HSD17B2: variants seen among roughly 807,000 people sequenced by gnomAD.
HSD17B2 encodes the protein 17-beta-hydroxysteroid dehydrogenase type 2.
A neutral mutation model predicts 26.9 loss-of-function variants in HSD17B2; 32 were observed. The ratio of observed to expected loss-of-function variants is 1.19; its 90% CI spans 0.90 to 1.60. The LOEUF (loss-of-function observed/expected upper bound fraction) is 1.60. Ranked by LOEUF, HSD17B2 falls within the 40% of genes most tolerant of loss-of-function variation. The probability of loss-of-function intolerance (pLI) is 0.00; values close to 1 mark genes in which losing one functional copy is unlikely to be tolerated. For missense variants in HSD17B2, 613 were observed against 468.6 expected, an observed-to-expected ratio of 1.31 and a Z score of -2.85; for synonymous variants, 246 against 186.7, an observed-to-expected ratio of 1.32 and a Z score of -2.59.
intron 3 of HSD17B2, among the ~76,000 whole-genome samples, chr16:82,075,195 G>A (rs1458410391): frequency 6.6e-6 from 1 of 152,068 alleles, no homozygotes; most frequent in Non-Finnish European, 1.5e-5. Context: ...TGTGGTGAAA[G>A]TAGTACTAAG....
intron 1 of HSD17B2, among the ~76,000 whole-genome samples, chr16:82,061,650 GTA>G (rs1914441915): frequency 1.3e-5 from 2 of 152,124 alleles, no homozygotes; most frequent in Admixed American, 6.5e-5. Flanking sequence ...CTGTCAAATT[GTA>G]TGTGTGCTAT....
At chr16:82,074,663 A>C (rs1477941416) in intron 3 of HSD17B2, among the ~76,000 whole-genome samples, 1 of 152,226 alleles carries the variant, frequency 6.6e-6, no homozygotes. Context: ...CATTGTAAAT[A>C]TACATGCACC....
chr16:82,047,757 T>G (rs1913978968), intron 1 of HSD17B2, among the ~76,000 whole-genome samples: 1 of 152,236 alleles, frequency 6.6e-6, no homozygotes, highest in Admixed American at 6.5e-5. Flanking sequence ...ATCATGGCTC[T>G]CATCATATGC....
At chr16:82,044,232 G>C (rs555991755) in intron 1 of HSD17B2, 8 of 152,216 alleles carry the variant, frequency 5.3e-5, no homozygotes, top group African/African-American at 1.9e-4. Context: ...AATCAGAACA[G>C]ATGCAGGGTT....
At chr16:82,063,740 A>G (rs1348352520) in intron 1 of HSD17B2, among the ~76,000 whole-genome samples, 1 of 152,194 alleles carries the variant, frequency 6.6e-6, no homozygotes, top group Non-Finnish European at 1.5e-5. Flanking sequence ...TGACACAATC[A>G]GACAGTGGTT....
At chr16:82,044,426 A>T (rs990041771) in intron 1 of HSD17B2, 1 of 152,214 alleles carries the variant, frequency 6.6e-6, no homozygotes, top group African/African-American at 2.4e-5. Flanking sequence ...CAAGGTCGAA[A>T]AGTCTCAGGC....
intron 4 of HSD17B2, chr16:82,093,643 A>G (rs1232409502): frequency 6.6e-6 from 1 of 152,222 alleles, no homozygotes; most frequent in Admixed American, 6.5e-5. Context: ...AGGGCTCCTG[A>G]TCCAGATTCC....
At chr16:82,046,580 G>C (rs913581088) in intron 1 of HSD17B2, among the ~76,000 whole-genome samples, 1 of 151,898 alleles carries the variant, frequency 6.6e-6, no homozygotes, top group Non-Finnish European at 1.5e-5. Context: ...AAAATTAGAC[G>C]GGCATGGTGG....
intron 1 of HSD17B2, among the ~76,000 whole-genome samples, chr16:82,045,395 G>A (rs1384893075): frequency 2.0e-5 from 3 of 152,096 alleles, no homozygotes; most frequent in African/African-American, 4.8e-5. Context: ...ACCTCTATGA[G>A]GTTAATTTTT....
Position 82,060,097 on chromosome 16 carries a change from T to C in HSD17B2, c.266-8073T>C, listed in dbSNP as rs530724723. 1.1e-4 allele frequency among the ~76,000 whole-genome samples: 17 copies of C among 152,304 alleles called. No individual in the cohort carries two copies. The South Asian group carries it at 3.3e-3, about 30-fold the overall frequency. On this transcript the variant is annotated intron_variant, in intron 1 of 4. Transcript: ENST00000199936. ...AGTCCTAAGTATGCTAGAGTTTTGT[T>C]GTATTTCTCTAACATTTTATTATAC...
chr16:82,038,824 C>T (rs1913689329), intron 1 of HSD17B2, among the ~76,000 whole-genome samples: 1 of 152,182 alleles, frequency 6.6e-6, no homozygotes, highest in African/African-American at 2.4e-5. Context: ...CTGAAGATCA[C>T]TTGGGCTTGA....
Position 82,071,006 on chromosome 16 carries a change from T to C in HSD17B2, c.543T>C (p.Leu181=). 6.2e-7 allele frequency: 1 copy of C among 1,614,226 alleles called. No homozygotes were observed. Among genetic ancestry groups the C allele is most frequent in the Non-Finnish European group, 8.5e-7 (1 of 1,180,026 alleles). The change falls in exon 3 of 5, where the codon CTT becomes CTC. Residue 181 remains leucine (L), a synonymous_variant. Transcript: ENST00000199936. ...TTCCAACTGATGGGGAGCTTCTTCT[T>C]ATGACTGACTACAAACAATGCATGG... is the stretch of plus-strand genomic sequence containing the variant. The part of the protein sequence containing the change: ...LGFPTDGELL[L]MTDYKQCMAV...
intron 2 of HSD17B2, among the ~76,000 whole-genome samples, chr16:82,070,327 T>A (rs557803612): frequency 1.3e-5 from 2 of 152,240 alleles, no homozygotes; most frequent in South Asian, 4.2e-4. Context: ...ATAGTTACCC[T>A]CCAGCCCCTT....
rs533369500 is a variant in HSD17B2 at position 82,080,826 on chromosome 16, C to T, written c.664+9699C>T. ...CACCATGTTGAAGGAACGCTTAGCA[C>T]TTTATCGCATTCCAAAAAGGCAGAG... On this transcript the variant is annotated intron_variant, in intron 3 of 4. Transcript: ENST00000199936. Among the ~76,000 whole-genome samples, 4 of 152,316 alleles carry T rather than the reference C, an allele frequency of 2.6e-5. No individual in the cohort carries two copies. In the South Asian group the frequency reaches 8.3e-4, roughly 32 times the overall value.
intron 1 of HSD17B2, among the ~76,000 whole-genome samples, chr16:82,061,501 C>T (rs752423742): frequency 6.6e-6 from 1 of 152,086 alleles, no homozygotes; most frequent in Non-Finnish European, 1.5e-5. Context: ...TCTCCCAGCT[C>T]CAGAATCCAG....
intron 2 of HSD17B2, 69 bp downstream of exon 2, chr16:82,068,451 C>A: frequency 1.6e-6 from 2 of 1,287,078 alleles, no homozygotes; most frequent in Non-Finnish European, 2.2e-6. Flanking sequence ...CCGGCTTAGG[C>A]TGAACATGCC....
At chr16:82,090,877 T>A in intron 3 of HSD17B2, 25 bp from the exon 4 acceptor site, 3 of 1,586,200 alleles carry the variant, frequency 1.9e-6, no homozygotes, top group Non-Finnish European at 2.6e-6. Flanking sequence ...TAACTTTGCT[T>A]CTTTTTCTCC....
chr16:82,062,766 G>A (rs1482796629), intron 1 of HSD17B2, among the ~76,000 whole-genome samples: 2 of 152,214 alleles, frequency 1.3e-5, no homozygotes, highest in African/African-American at 4.8e-5. Context: ...CCACTGTTGG[G>A]TAACTCTTAT....
rs1913606835 is a variant in HSD17B2, at chr16:82,035,678, T to C, written c.254T>C (p.Val85Ala). Reference protein sequence around the residue: ...QELLPVDQKAVLVTGGDCGLG... With the variant: ...QELLPVDQKAALVTGGDCGLG... ...TTGTTACCTGTGGATCAGAAGGCAG[T>C]CCTGGTGACAGGTAAGCAGACGGTG... Residue 85 changes from valine (V) to alanine (A), a missense_variant, in exon 1 of 5, where the codon GTC becomes GCC. Physicochemically the swap from Val to Ala is moderately conservative, Grantham distance 64 (BLOSUM62 0). Transcript: ENST00000199936. The C allele has an allele frequency of 6.2e-7, 1 of 1,613,752 alleles. No individual in the cohort carries two copies. Among genetic ancestry groups the C allele is most frequent in the South Asian group, 1.1e-5 (1 of 91,072 alleles).
Sources: allele counts gnomAD v4.1 joint callset (sites outside exome capture counted in the v4.1 genomes callset), GRCh38; gene constraint gnomAD v4.1.1; transcripts MANE v1.5; gene names NCBI Gene and HGNC (gene_info 2026-07-23, HGNC 2026-07-21).